CADM1: variants seen among roughly 807,000 people sequenced by gnomAD.
The protein encoded by CADM1 is cell adhesion molecule 1, also known as TSLC-1.
Under a neutral mutation model 53.1 loss-of-function variants are expected in CADM1, and 15 were observed. That is an observed-to-expected ratio of 0.28 (90% CI 0.19 to 0.44). The LOEUF (loss-of-function observed/expected upper bound fraction) is 0.44, where lower values mean the gene tolerates loss of function less well. Ranked by LOEUF, CADM1 falls within the 20% of genes least tolerant of loss-of-function variation. The pLI is 1.00. For synonymous variants in CADM1, 281 were observed against 243.0 expected (o/e 1.16, Z -1.45); for missense variants, 434 against 611.3 (o/e 0.71, Z 3.06).
At chr11:115,259,895 T>C (rs928259980) in intron 1 of CADM1, among the ~76,000 whole-genome samples, 38 of 152,184 alleles carry the variant, frequency 2.5e-4, no homozygotes, top group Non-Finnish European at 4.1e-4. Flanking sequence ...CCTGTCTCCA[T>C]CTCTGAGATA....
chr11:115,343,148 G>A (rs533454093), intron 1 of CADM1, among the ~76,000 whole-genome samples: 27 of 152,204 alleles, frequency 1.8e-4, no homozygotes, highest in African/African-American at 5.8e-4. Context: ...CTGAGTTCTC[G>A]TAGCAGCCCT....
At chr11:115,442,141 A>G (rs1430442856) in intron 1 of CADM1, among the ~76,000 whole-genome samples, 1 of 151,892 alleles carries the variant, frequency 6.6e-6, no homozygotes, top group Non-Finnish European at 1.5e-5. Flanking sequence ...AAGGGCATGC[A>G]CAGTCAAGGA....
intron 1 of CADM1, among the ~76,000 whole-genome samples, chr11:115,297,325 G>C (rs1290084725): frequency 6.6e-6 from 1 of 152,206 alleles, no homozygotes; most frequent in East Asian, 1.9e-4. Context: ...AAGGTGGACA[G>C]ACAGGTAGAC....
chr11:115,308,417 C>T (rs1163821952), intron 1 of CADM1, among the ~76,000 whole-genome samples: 2 of 151,786 alleles, frequency 1.3e-5, no homozygotes, highest in Admixed American at 6.6e-5. Context: ...TTCATATATA[C>T]AGAAATTGTA....
intron 1 of CADM1, among the ~76,000 whole-genome samples, chr11:115,312,151 C>G (rs1403469330): frequency 6.6e-6 from 1 of 152,084 alleles, no homozygotes; most frequent in African/African-American, 2.4e-5. Context: ...GCCATAGGAG[C>G]TGCTATAATA....
intron 1 of CADM1, among the ~76,000 whole-genome samples, chr11:115,476,826 G>A (rs1489383802): frequency 6.6e-6 from 1 of 152,100 alleles, no homozygotes; most frequent in Non-Finnish European, 1.5e-5. Context: ...AAGCCATGGG[G>A]CACACATAAT....
In CADM1 at chr11:115,272,664, C is replaced by T. The variant is rs117779434; in HGVS notation, c.125-32244G>A. On this transcript the variant is annotated intron_variant, in intron 1 of 11. Coordinates refer to ENST00000331581, the MANE Select transcript of CADM1 (RefSeq NM_001301043.2). The stretch of plus-strand genomic sequence containing the variant: ...GAGACTCAAAATAAGATTATTTCTA[C>T]GATGAAACACTTGAGAAGAGACCTA... Among the ~76,000 whole-genome samples, 854 of 145,600 alleles carry T rather than the reference C, an allele frequency of 5.9e-3. 1 individual carries two copies. The highest frequency in any genetic ancestry group is 9.7e-3 in the Non-Finnish European group (653 of 67,388).
intron 1 of CADM1, among the ~76,000 whole-genome samples, chr11:115,294,378 A>T (rs1270549440): frequency 1.3e-5 from 2 of 152,134 alleles, no homozygotes; most frequent in East Asian, 3.9e-4. Flanking sequence ...AATGCAACTG[A>T]ACTACTGAAA....
intron 1 of CADM1, among the ~76,000 whole-genome samples, chr11:115,457,842 A>G (rs1948711835): frequency 6.6e-6 from 1 of 152,156 alleles, no homozygotes; most frequent in African/African-American, 2.4e-5. Flanking sequence ...CGGCTAATGA[A>G]TAAGTGCATT....
rs1005304577 is a variant in CADM1, at chr11:115,174,632, G to A, written c.*1842C>T. On this transcript the variant is annotated 3_prime_UTR_variant, in exon 12 of 12. Transcript: ENST00000331581. ...ACATGTTTTCAAATAACAAAGAGTT[G>A]ACACTTTTTCCCCCTTAAATAAATC... 4.1e-6 allele frequency: 4 copies of A among 983,982 alleles called. No homozygotes were observed. Among genetic ancestry groups the A allele is most frequent in the Admixed American group, 1.2e-4 (2 of 16,264 alleles). 61.0% of individuals were successfully genotyped at this position (983,982 alleles called of 1,614,324 possible).
chr11:115,400,661 GTATATATA>G (rs372594262), intron 1 of CADM1, among the ~76,000 whole-genome samples: 1,307 of 46,268 alleles, frequency 0.028, 25 homozygotes, highest in Middle Eastern at 0.094. Flanking sequence ...GTGTGTGTGT[GTATATATA>G]TATATATATA....
chr11:115,308,211 T>TATATACAC lies in CADM1; in HGVS notation c.125-67792_125-67791insGTGTATAT, dbSNP rs139012671. Among the ~76,000 whole-genome samples the TATATACAC allele has an allele frequency of 1.1e-3, 154 of 139,400 alleles. 2 individuals carry two copies. Among genetic ancestry groups the TATATACAC allele is most frequent in the African/African-American group, 3.0e-3 (111 of 36,876 alleles). The allele number at this position is 139,400 out of a possible 152,430, so 91.5% of individuals were successfully genotyped here. On this transcript the variant is annotated intron_variant, in intron 1 of 11. Transcript: ENST00000331581. ...ATAGGTGTGTATATATATATATATA[T>TATATACAC]ACACACCTATGAGAAGGTTTTTGTC...
At chr11:115,212,854 A>G (rs1290325543) in intron 7 of CADM1, among the ~76,000 whole-genome samples, 7 of 152,172 alleles carry the variant, frequency 4.6e-5, no homozygotes, top group Non-Finnish European at 1.0e-4. Context: ...ATTAAAGGAG[A>G]CCATGCTTGG....
At chr11:115,482,218 G>A (rs948020670) in intron 1 of CADM1, among the ~76,000 whole-genome samples, 1 of 152,088 alleles carries the variant, frequency 6.6e-6, no homozygotes, top group Non-Finnish European at 1.5e-5. Context: ...AGTCTTTCCT[G>A]ACTCTAAGTC....
intron 1 of CADM1, among the ~76,000 whole-genome samples, chr11:115,373,895 C>G (rs1946375612): frequency 6.6e-6 from 1 of 152,144 alleles, no homozygotes; most frequent in South Asian, 2.1e-4. Context: ...AACACAAATA[C>G]ATGATTTTAA....
At chr11:115,399,527 G>A (rs958742983) in intron 1 of CADM1, 4 of 152,096 alleles carry the variant, frequency 2.6e-5, no homozygotes, top group African/African-American at 7.2e-5. Context: ...AAAGAAATAT[G>A]AGAGAAAACA....
chr11:115,273,003 G>A lies in CADM1; in HGVS notation c.125-32583C>T, dbSNP rs147276299. 6.6e-3 allele frequency among the ~76,000 whole-genome samples: 1,007 copies of A among 152,286 alleles called. 4 individuals carry two copies. Among genetic ancestry groups the A allele is most frequent in the Non-Finnish European group, 0.011 (758 of 68,026 alleles). ...CTCATTGGTAGGCTGATCAGAGGCCGTCAATGTCAGGGCAGGTAGGGTCAA... is the reference window on the plus strand; with the variant it reads ...CTCATTGGTAGGCTGATCAGAGGCCATCAATGTCAGGGCAGGTAGGGTCAA... On this transcript the variant is annotated intron_variant, in intron 1 of 11. Transcript: ENST00000331581.
At chr11:115,500,666 T>C (rs1251484563) in intron 1 of CADM1, among the ~76,000 whole-genome samples, 4 of 152,248 alleles carry the variant, frequency 2.6e-5, no homozygotes, top group African/African-American at 9.6e-5. Flanking sequence ...AACCACTTCT[T>C]GACACATGTC....
chr11:115,194,713 C>G (rs1375738081), intron 9 of CADM1, among the ~76,000 whole-genome samples: 1 of 151,978 alleles, frequency 6.6e-6, no homozygotes, highest in Non-Finnish European at 1.5e-5. Context: ...GACCTCAAAC[C>G]CAGAGGAAGC....
Sources: gnomAD v4.1 joint callset for allele counts (sites outside exome capture counted in the v4.1 genomes callset) on GRCh38, gnomAD v4.1.1 for gene constraint, MANE v1.5 for transcripts, NCBI Gene and HGNC (gene_info 2026-07-23, HGNC 2026-07-21) for gene names.